Variants in SNX29 observed in about 807,000 individuals in gnomAD.
SNX29 encodes sorting nexin 29, also known as sorting nexin-29.
Under a neutral mutation model 102.1 loss-of-function variants are expected in SNX29, and 78 were observed. The ratio of observed to expected loss-of-function variants is 0.76; its 90% CI spans 0.64 to 0.92. SNX29 has a LOEUF of 0.92. Among genes scored for constraint, SNX29 ranks in the 40% least tolerant of loss-of-function variants. The pLI is 0.00. For missense variants in SNX29, 1,280 were observed against 1,061.7 expected, an observed-to-expected ratio of 1.21 and a Z score of -2.86; for synonymous variants, 580 against 414.5, an observed-to-expected ratio of 1.40 and a Z score of -4.85.
intron 15 of SNX29, among the ~76,000 whole-genome samples, chr16:12,289,802 A>G (rs1170995012): frequency 6.6e-6 from 1 of 152,002 alleles, no homozygotes; most frequent in Non-Finnish European, 1.5e-5. Context: ...AAGTGGCTTC[A>G]AGAAGCCACT....
intron 15 of SNX29, among the ~76,000 whole-genome samples, chr16:12,320,653 A>T (rs1366575152): frequency 1.3e-5 from 2 of 152,180 alleles, no homozygotes; most frequent in African/African-American, 2.4e-5. Context: ...GCAGTGTGTC[A>T]TGTGCTGGGG....
chr16:12,568,728 C>A lies in SNX29; in HGVS notation c.*99C>A. ...CTCACCTCAGCGTGACAACCACGTC[C>A]ACCTGGTGATCCTGAGAGCACACGA... On this transcript the variant is annotated 3_prime_UTR_variant, in exon 21 of 21. Coordinates refer to ENST00000566228, the MANE Select transcript of SNX29 (RefSeq NM_032167.5). 1 of 1,500,588 alleles carries A rather than the reference C, an allele frequency of 6.7e-7. No homozygotes were observed. Among genetic ancestry groups the A allele is most frequent in the South Asian group, 1.3e-5 (1 of 79,846 alleles). 93.0% of individuals were successfully genotyped at this position (1,500,588 alleles called of 1,614,324 possible).
Position 12,548,220 on chromosome 16 carries a change from C to T in SNX29, c.2319-20286C>T, listed in dbSNP as rs184596200. Among the ~76,000 whole-genome samples the T allele has an allele frequency of 6.2e-4, 95 of 152,334 alleles. 1 individual carries two copies. Among genetic ancestry groups the T allele is most frequent in the African/African-American group, 2.0e-3 (84 of 41,578 alleles). ...GCCTCCCACAAGGCCACGCTGGATC[C>T]TGCCACAGTGTTAGGTTACATTTCC... On this transcript the variant is annotated intron_variant, in intron 20 of 20. Coordinates refer to ENST00000566228, the MANE Select transcript of SNX29 (RefSeq NM_032167.5).
At chr16:12,227,899 T>TAA (rs59381762) in intron 14 of SNX29, among the ~76,000 whole-genome samples, 27,150 of 71,538 alleles carry the variant, frequency 0.38, 7,096 homozygotes, top group Non-Finnish European at 0.48. Flanking sequence ...GACTCTGTCT[T>TAA]AAAAAAAAAA....
At chr16:12,544,138 T>G (rs1328512340) in intron 20 of SNX29, among the ~76,000 whole-genome samples, 1 of 152,190 alleles carries the variant, frequency 6.6e-6, no homozygotes, top group African/African-American at 2.4e-5. Context: ...AACCCTATAT[T>G]CACCGGCATC....
chr16:12,453,206 T>A (rs973287739), intron 18 of SNX29, among the ~76,000 whole-genome samples: 3 of 152,212 alleles, frequency 2.0e-5, no homozygotes, highest in African/African-American at 7.2e-5. Context: ...CACCTGGCCC[T>A]ATTCACCTGT....
intron 15 of SNX29, among the ~76,000 whole-genome samples, chr16:12,342,230 C>T (rs187523837): frequency 6.6e-6 from 1 of 152,184 alleles, no homozygotes; most frequent in South Asian, 2.1e-4. Context: ...TTGCCTGTTG[C>T]CCTCTGCAAG....
intron 11 of SNX29, among the ~76,000 whole-genome samples, chr16:12,092,945 T>C (rs2052618248): frequency 1.3e-5 from 2 of 152,208 alleles, no homozygotes; most frequent in Admixed American, 1.3e-4. Context: ...CATAACTTTT[T>C]ATACCCGAGG....
At chr16:12,443,367 G>C (rs1463994772) in intron 18 of SNX29, 1 of 160,252 alleles carries the variant, frequency 6.2e-6, no homozygotes, top group African/African-American at 2.4e-5. Context: ...TACAATGGAT[G>C]CCAGCCACAT....
At chr16:12,073,247 CTT>C (rs2051382377) in intron 10 of SNX29, among the ~76,000 whole-genome samples, 1 of 151,926 alleles carries the variant, frequency 6.6e-6, no homozygotes, top group Non-Finnish European at 1.5e-5. Flanking sequence ...TTTTCTAGTT[CTT>C]TTAATTGTGA....
chr16:12,249,831 G>T (rs541658499), intron 14 of SNX29, among the ~76,000 whole-genome samples: 1 of 152,182 alleles, frequency 6.6e-6, no homozygotes, highest in Non-Finnish European at 1.5e-5. Flanking sequence ...GAGCTGTCCC[G>T]GCCCCATTAA....
rs1254300645 is a variant in SNX29, at chr16:12,477,930, A to T, written c.2178+71A>T. 6.1e-6 allele frequency: 9 copies of T among 1,482,292 alleles called. No individual in the cohort carries two copies. In the African/African-American group the frequency reaches 1.3e-4, roughly 21 times the overall value. The allele number at this position is 1,482,292 out of a possible 1,614,324, so 91.8% of individuals were successfully genotyped here. ...AATGGATTATTTATTCTTCTTCTTTAGTCCGTTGCTTAAAAACACATGCTC... is the reference window on the plus strand; with the variant it reads ...AATGGATTATTTATTCTTCTTCTTTTGTCCGTTGCTTAAAAACACATGCTC... On this transcript the variant is annotated intron_variant, in intron 19 of 20. Coordinates refer to ENST00000566228, the MANE Select transcript of SNX29 (RefSeq NM_032167.5).
At chr16:12,413,990 T>C (rs1344883193) in intron 18 of SNX29, among the ~76,000 whole-genome samples, 1 of 152,222 alleles carries the variant, frequency 6.6e-6, no homozygotes, top group Non-Finnish European at 1.5e-5. Flanking sequence ...ATAACCTAAG[T>C]GCATCCTCCT....
intron 6 of SNX29, among the ~76,000 whole-genome samples, chr16:12,048,070 T>C (rs7202235): frequency 0.4 from 60,453 of 151,692 alleles, 12,651 homozygotes; most frequent in Middle Eastern, 0.51. Flanking sequence ...TCATATTCAT[T>C]TTCCTGGCTG....
chr16:12,179,564 C>T (rs749283085), intron 13 of SNX29, among the ~76,000 whole-genome samples: 14 of 152,194 alleles, frequency 9.2e-5, no homozygotes, highest in South Asian at 4.1e-4. Flanking sequence ...TTTACCTGAG[C>T]CTATGGCCAG....
intron 18 of SNX29, among the ~76,000 whole-genome samples, chr16:12,416,760 C>G (rs1248976900): frequency 6.6e-6 from 1 of 152,124 alleles, no homozygotes; most frequent in African/African-American, 2.4e-5. Context: ...AGGTGTTACT[C>G]TATCCCAACC....
chr16:12,470,580 A>C (rs749805000), intron 18 of SNX29, among the ~76,000 whole-genome samples: 1 of 151,848 alleles, frequency 6.6e-6, no homozygotes, highest in African/African-American at 2.4e-5. Flanking sequence ...TTGTTTTAGC[A>C]CTCAGAAACC....
At chr16:12,468,406 C>G (rs987623260) in intron 18 of SNX29, among the ~76,000 whole-genome samples, 4 of 152,054 alleles carry the variant, frequency 2.6e-5, no homozygotes, top group Non-Finnish European at 4.4e-5. Context: ...AACTCCTGAC[C>G]TCAAGTGATC....
intron 19 of SNX29, among the ~76,000 whole-genome samples, chr16:12,510,352 G>C (rs1315779315): frequency 2.0e-5 from 3 of 152,102 alleles, no homozygotes; most frequent in Non-Finnish European, 4.4e-5. Flanking sequence ...GAGAGAGTCA[G>C]GGACATCTCA....
Sources: allele counts gnomAD v4.1 joint callset (sites outside exome capture counted in the v4.1 genomes callset), GRCh38; gene constraint gnomAD v4.1.1; transcripts MANE v1.5; gene names NCBI Gene and HGNC (gene_info 2026-07-23, HGNC 2026-07-21).